The following DDX31 variants were observed in gnomAD, a reference collection of about 807,000 sequenced individuals.
The protein encoded by DDX31 is DEAD-box helicase 31, also known as ATP-dependent DNA helicase DDX31.
DDX31 carries 70 observed loss-of-function variants against 91.3 expected under a neutral mutation model. The observed-to-expected ratio is 0.77, with a 90% CI of 0.63 to 0.94. DDX31 has a LOEUF of 0.94. DDX31 is among the 40% of genes least tolerant of loss of function. The probability of loss-of-function intolerance (pLI) is 0.00; values close to 1 mark genes in which losing one functional copy is unlikely to be tolerated. For synonymous variants in DDX31, 362 were observed against 350.6 expected (o/e 1.03, Z -0.36); for missense variants, 902 against 925.0 (o/e 0.98, Z 0.32).
intron 12 of DDX31, among the ~76,000 whole-genome samples, chr9:132,646,407 GA>G (rs751713334): frequency 2.3e-4 from 35 of 152,254 alleles, no homozygotes; most frequent in Middle Eastern, 3.4e-3. Context: ...TACATATGCA[GA>G]AAACCTTCAC....
intron 18 of DDX31, among the ~76,000 whole-genome samples, chr9:132,615,468 T>C (rs1346618831): frequency 6.6e-6 from 1 of 152,016 alleles, no homozygotes; most frequent in African/African-American, 2.4e-5. Flanking sequence ...GGAGGTTCCC[T>C]GCTGTTCTCT....
At chr9:132,613,932 C>A (rs570116280) in intron 18 of DDX31, among the ~76,000 whole-genome samples, 5 of 152,322 alleles carry the variant, frequency 3.3e-5, no homozygotes, top group African/African-American at 1.2e-4. Context: ...ACACTCCCCG[C>A]CATCCCTGTC....
chr9:132,661,211 G>C lies in DDX31; in HGVS notation c.449C>G (p.Thr150Ser), dbSNP rs1442751814. 6.2e-7 allele frequency: 1 copy of C among 1,610,386 alleles called. No individual in the cohort carries two copies. Among genetic ancestry groups the C allele is most frequent in the Non-Finnish European group, 8.5e-7 (1 of 1,177,448 alleles). The change falls in exon 4 of 20, where the codon ACC becomes AGC. Residue 150 changes from threonine (T) to serine (S), a missense_variant. Thr to Ser is a moderately conservative substitution (Grantham distance 58). Transcript: ENST00000372159. ...INTVLKMSSM[T>S]SVQKQSIPVL... ...AAGAGGAGCCTGAAGTTCTTACCTG[G>C]TCATACTAGACATTTTTAAGACCGT...
Position 132,659,737 on chromosome 9 carries a change from C to CAA in DDX31, c.495_496insTT (p.Ala166LeufsTer4). The CAA allele has an allele frequency of 6.2e-7, 1 of 1,612,598 alleles. No individual in the cohort carries two copies. The highest frequency in any genetic ancestry group is 8.5e-7 in the Non-Finnish European group (1 of 1,179,296). ...GAGCCCGTCTGGGATCTCACGAGAG[C>CAA]ATCTCTGCCTTCCAGCAACACAGGA... On this transcript the variant is annotated frameshift_variant, in exon 5 of 20. Coordinates refer to ENST00000372159, the MANE Select transcript of DDX31 (RefSeq NM_022779.9). LOFTEE classifies it high-confidence loss of function.
chr9:132,608,357 C>T (rs1384937985), intron 19 of DDX31, among the ~76,000 whole-genome samples: 1 of 151,970 alleles, frequency 6.6e-6, no homozygotes, highest in Non-Finnish European at 1.5e-5. Flanking sequence ...CTGGAAAAGT[C>T]GACAGAAACC....
intron 17 of DDX31, among the ~76,000 whole-genome samples, chr9:132,623,786 C>T (rs1472440870): frequency 6.6e-6 from 1 of 152,028 alleles, no homozygotes; most frequent in East Asian, 1.9e-4. Context: ...TGCTACACTG[C>T]CTCCTCCAAC....
intron 19 of DDX31, among the ~76,000 whole-genome samples, chr9:132,599,054 C>T (rs1830591710): frequency 2.6e-5 from 4 of 152,160 alleles, no homozygotes; most frequent in African/African-American, 9.7e-5. Context: ...ATGGGCTCTA[C>T]AAATAGATGA....
At chr9:132,647,956 G>T (rs1833938499) in intron 11 of DDX31, among the ~76,000 whole-genome samples, 1 of 152,078 alleles carries the variant, frequency 6.6e-6, no homozygotes, top group Non-Finnish European at 1.5e-5. Context: ...CCTCATCCCT[G>T]CCCTTTCTCC....
intron 18 of DDX31, among the ~76,000 whole-genome samples, chr9:132,614,782 G>T (rs1831537826): frequency 6.6e-6 from 1 of 152,146 alleles, no homozygotes; most frequent in South Asian, 2.1e-4. Flanking sequence ...GTGGCAGGAA[G>T]TGTTTTCTCC....
At chr9:132,601,169 A>C (rs997909414) in intron 19 of DDX31, among the ~76,000 whole-genome samples, 7 of 152,196 alleles carry the variant, frequency 4.6e-5, no homozygotes, top group South Asian at 4.1e-4. Flanking sequence ...GAACTGGATG[A>C]AATCATGAGG....
intron 1 of DDX31, chr9:132,663,114 C>A: frequency 8.2e-7 from 1 of 1,217,818 alleles, no homozygotes; most frequent in Non-Finnish European, 1.1e-6. Flanking sequence ...TGGGGGAAAA[C>A]GAATCTTTTC....
At chr9:132,658,295 G>C in intron 6 of DDX31, 1 of 703,244 alleles carries the variant, frequency 1.4e-6, no homozygotes, top group Non-Finnish European at 2.6e-6. Flanking sequence ...TTGCTGCATG[G>C]CCTTGGTTAT....
intron 1 of DDX31, among the ~76,000 whole-genome samples, chr9:132,666,927 A>G (rs1835350766): frequency 6.6e-6 from 1 of 151,910 alleles, no homozygotes; most frequent in Non-Finnish European, 1.5e-5. Context: ...GTTAGCCAGG[A>G]TGGTCTCGAT....
intron 8 of DDX31, 125 bp from the exon 9 acceptor site, chr9:132,650,423 G>A (rs997740511): frequency 3.5e-6 from 3 of 866,452 alleles, no homozygotes; most frequent in Non-Finnish European, 5.7e-6. Flanking sequence ...TGTATAAGGT[G>A]TTATTGTGCA....
At chr9:132,652,169 T>C (rs1190530333) in intron 7 of DDX31, among the ~76,000 whole-genome samples, 2 of 147,018 alleles carry the variant, frequency 1.4e-5, no homozygotes, top group South Asian at 2.1e-4. Flanking sequence ...TTTCTGTAGG[T>C]TTTTTTTTAG....
chr9:132,593,103 A>G lies in DDX31; in HGVS notation c.*1763T>C, dbSNP rs1342111943. 1 of 152,242 alleles carries G rather than the reference A, an allele frequency of 6.6e-6. No individual in the cohort carries two copies. 9.4% of individuals were successfully genotyped at this position (152,242 alleles called of 1,614,324 possible). A position where few individuals can be genotyped will look rare whatever the true frequency, so the allele number is the denominator to read the frequency against. On this transcript the variant is annotated 3_prime_UTR_variant, in exon 20 of 20. Coordinates refer to ENST00000372159, the MANE Select transcript of DDX31 (RefSeq NM_022779.9). The stretch of plus-strand genomic sequence containing the variant: ...TTAACTGGGGTAATATAGTGATTCT[A>G]CTTAGAAACAGACCCACATAGCATC...
Position 132,625,651 on chromosome 9 carries a change from T to A in DDX31, c.1713+13A>T. On this transcript the variant is annotated intron_variant, in intron 17 of 19. Coordinates refer to ENST00000372159, the MANE Select transcript of DDX31 (RefSeq NM_022779.9). ...ATCTGTTGGCAGCGAGCACAATAAA[T>A]AACAAAACTCACCTGGGCTCCCCAT... The A allele has an allele frequency of 6.2e-7, 1 of 1,611,002 alleles. No individual in the cohort carries two copies. The highest frequency in any genetic ancestry group is 8.5e-7 in the Non-Finnish European group (1 of 1,177,462).
Position 132,655,637 on chromosome 9 carries a change from A to G in DDX31, c.588+3034T>C, listed in dbSNP as rs1387968327. Among the ~76,000 whole-genome samples the G allele has an allele frequency of 5.3e-5, 8 of 152,338 alleles. No individual in the cohort carries two copies. In the East Asian group the frequency reaches 1.5e-3, roughly 29 times the overall value. On this transcript the variant is annotated intron_variant, in intron 6 of 19. Transcript: ENST00000372159. ...ATTTTTGGTACTCTTTGAAATTTTT[A>G]AAACATATATGGTACATTATATCTA...
In DDX31 at chr9:132,657,899, C is replaced by T. The variant is rs796541552; in HGVS notation, c.588+772G>A. On this transcript the variant is annotated intron_variant, in intron 6 of 19. Coordinates refer to ENST00000372159, the MANE Select transcript of DDX31 (RefSeq NM_022779.9). ...CTACATAATCTCAAAAATGAGGTAGCCCAATTTGTCCTCATATTAACATTT... is the reference window on the plus strand; with the variant it reads ...CTACATAATCTCAAAAATGAGGTAGTCCAATTTGTCCTCATATTAACATTT... 7.2e-5 allele frequency among the ~76,000 whole-genome samples: 11 copies of T among 152,254 alleles called. 1 individual carries two copies. Among genetic ancestry groups the T allele is most frequent in the African/African-American group, 2.4e-4 (10 of 41,536 alleles).
Sources: allele counts gnomAD v4.1 joint callset (sites outside exome capture counted in the v4.1 genomes callset), GRCh38; gene constraint gnomAD v4.1.1; transcripts MANE v1.5; gene names NCBI Gene and HGNC (gene_info 2026-07-23, HGNC 2026-07-21).